FER1L5: variants seen among roughly 807,000 people sequenced by gnomAD.
FER1L5 encodes the protein fer-1-like protein 5.
A neutral mutation model predicts 279.9 loss-of-function variants in FER1L5; 187 were observed. That is an observed-to-expected ratio of 0.67 (90% CI 0.59 to 0.75). The LOEUF (loss-of-function observed/expected upper bound fraction) is 0.75, where lower values mean the gene tolerates loss of function less well. Among genes scored for constraint, FER1L5 ranks in the 30% least tolerant of loss-of-function variants. The pLI is 0.00. For synonymous variants in FER1L5, 921 were observed against 989.7 expected (o/e 0.93, Z 1.30); for missense variants, 2,091 against 2,594.4 (o/e 0.81, Z 4.21).
At chr2:96,659,300 T>C (rs1174496676) in intron 9 of FER1L5, among the ~76,000 whole-genome samples, 2 of 30,200 alleles carry the variant, frequency 6.6e-5, no homozygotes, top group East Asian at 2.0e-3. Context: ...TTTCCTTCCT[T>C]CCTTCCTTCC....
Position 96,694,452 on chromosome 2 carries a change from G to A in FER1L5, c.3729G>A (p.Arg1243=). 1 of 1,546,292 alleles carries A rather than the reference G, an allele frequency of 6.5e-7. No homozygotes were observed. The highest frequency in any genetic ancestry group is 8.7e-7 in the Non-Finnish European group (1 of 1,143,780). Residue 1243 remains arginine, a synonymous_variant, in exon 34 of 53, where the codon AGG becomes AGA. Coordinates refer to ENST00000624922, the MANE Select transcript of FER1L5 (RefSeq NM_001293083.2). The surrounding 1 kb of genome is among the most constrained non-coding windows in gnomAD (Gnocchi z 4.6). ...AGAGCATCCAGCCCACGATAAAGAG[G>A]ATGGCCATTGAGGTGCTGGCGATGT... ...LPKSIQPTIK[R]MAIEILAWGL...
chr2:96,695,059 A>C lies in FER1L5; in HGVS notation c.3742-450A>C, dbSNP rs551056342. The C allele has an allele frequency of 2.5e-3, 390 of 158,488 alleles. 2 individuals carry two copies. Among genetic ancestry groups the C allele is most frequent in the African/African-American group, 9.0e-3 (377 of 41,822 alleles). 9.8% of individuals were successfully genotyped at this position (158,488 alleles called of 1,614,324 possible). On this transcript the variant is annotated intron_variant, in intron 34 of 52. Transcript: ENST00000624922. Reference sequence around the variant, plus strand: ...TGCAGCTATTTCCTGGCAGGATGCCAGGTCACTGAATGGCCATGGGGTCCT... The same window carrying C: ...TGCAGCTATTTCCTGGCAGGATGCCCGGTCACTGAATGGCCATGGGGTCCT...
In FER1L5 at chr2:96,695,799, TGGGCCTTCGGCCAGCAGACCG is replaced by T. The variant is rs1355345415; in HGVS notation, c.3953_3973del (p.Trp1318_Val1325delinsLeu). The T allele has an allele frequency of 1.2e-6, 2 of 1,612,894 alleles. No individual in the cohort carries two copies. The highest frequency in any genetic ancestry group is 1.7e-6 in the Non-Finnish European group (2 of 1,179,508). ...CCTCGTGGTGAAGGTGGTAGACAACTGGGCCTTCGGCCAGCAGACCGTGACGGGCCAGGCCAACATCGACTT... is the reference window on the plus strand; with the variant it reads ...CCTCGTGGTGAAGGTGGTAGACAACTTGACGGGCCAGGCCAACATCGACTT... On this transcript the variant is annotated inframe_deletion, in exon 36 of 53. Coordinates refer to ENST00000624922, the MANE Select transcript of FER1L5 (RefSeq NM_001293083.2).
In FER1L5 at chr2:96,661,908, G is replaced by A; in HGVS notation, c.1018+117G>A. 3 of 1,408,374 alleles carry A rather than the reference G, an allele frequency of 2.1e-6. 1 individual carries two copies. Among genetic ancestry groups the A allele is most frequent in the South Asian group, 2.8e-5 (2 of 72,244 alleles). 87.2% of individuals were successfully genotyped at this position (1,408,374 alleles called of 1,614,324 possible). ...CACTAAACTACTGTTTGGGGTAGGG[G>A]GGACAGGGTGAGACTGGAATTGCTC... On this transcript the variant is annotated intron_variant, in intron 12 of 52. Transcript: ENST00000624922.
intron 9 of FER1L5, among the ~76,000 whole-genome samples, chr2:96,659,444 T>TC (rs1491573152): frequency 3.3e-5 from 1 of 30,500 alleles, no homozygotes; most frequent in Admixed American, 5.3e-4. Flanking sequence ...TTTCTTTCTT[T>TC]CTTTCTTTCT....
chr2:96,646,338 C>T (rs930377974), intron 1 of FER1L5, 63 bp from the exon 2 acceptor site: 4 of 1,527,446 alleles, frequency 2.6e-6, no homozygotes, highest in South Asian at 1.2e-5. Flanking sequence ...CTCTTTACCC[C>T]ACTCCAACCC....
In FER1L5 at chr2:96,642,900, T is replaced by C. The variant is rs1420044384; in HGVS notation, c.64T>C (p.Cys22Arg). Reference sequence around the variant, plus strand: ...ACCACTAGCCCCACTACCCAGGCCCTGCATGTCCATCGACTTCAGAGGTGA... The same window carrying C: ...ACCACTAGCCCCACTACCCAGGCCCCGCATGTCCATCGACTTCAGAGGTGA... ...DPPLAPLPRP[C>R]MSIDFRDIKK... Residue 22 changes from cysteine (C) to arginine (R), a missense_variant, in exon 1 of 53, where the codon TGC becomes CGC. Cys to Arg is a radical substitution (Grantham distance 180, BLOSUM62 -3). Coordinates refer to ENST00000624922, the MANE Select transcript of FER1L5 (RefSeq NM_001293083.2). 6 of 1,550,964 alleles carry C rather than the reference T, an allele frequency of 3.9e-6. No individual in the cohort carries two copies. The highest frequency in any genetic ancestry group is 5.2e-6 in the Non-Finnish European group (6 of 1,146,650).
intron 4 of FER1L5, among the ~76,000 whole-genome samples, 174 bp from the exon 5 acceptor site, chr2:96,649,449 A>G (rs982420532): frequency 2.6e-5 from 4 of 152,080 alleles, no homozygotes; most frequent in Admixed American, 1.3e-4. Context: ...ACCCATTTAT[A>G]ACCTCCCTCA....
At position 96,668,962 on chromosome 2, in the gene FER1L5, A is replaced by G. The variant is rs1433857102; in HGVS notation, c.1261A>G (p.Ile421Val). 1 of 1,551,356 alleles carries G rather than the reference A, an allele frequency of 6.4e-7. No individual in the cohort carries two copies. Among genetic ancestry groups the G allele is most frequent in the Admixed American group, 2.0e-5 (1 of 50,964 alleles). ...CCAGATCTCGTCCACCGGAGAAGAG[A>G]TAGAAGGCAAGCAAAGCCTCGAGCC... is the stretch of plus-strand genomic sequence containing the variant. ...LNQISSTGEE[I>V]EGVYSGFLPC... is the part of the protein sequence containing the mutation. The change falls in exon 16 of 53, where the codon ATA becomes GTA. Residue 421 changes from isoleucine (I) to valine (V), a missense_variant. Transcript: ENST00000624922.
rs373508719 is a variant in FER1L5, at chr2:96,702,335, C to T, written c.5189C>T (p.Thr1730Ile). Reference protein sequence around the residue: ...RYELRCIIWKTANVDLVDDNL... With the variant: ...RYELRCIIWKIANVDLVDDNL... The stretch of plus-strand genomic sequence containing the variant: ...GAGCTGCGATGCATCATCTGGAAGA[C>T]TGCCAATGTGGACCTGGTGGATGAC... The change falls in exon 47 of 53, where the codon ACT becomes ATT. Residue 1730 changes from threonine (T) to isoleucine (I), a missense_variant. Thr to Ile is a moderately conservative substitution (Grantham distance 89). Transcript: ENST00000624922. The surrounding 1 kb of genome is among the most constrained non-coding windows in gnomAD (Gnocchi z 4.0). 39 of 1,612,898 alleles carry T rather than the reference C, an allele frequency of 2.4e-5. No individual in the cohort carries two copies. The African/African-American group carries it at 4.7e-4, about 19-fold the overall frequency.
chr2:96,659,154 C>T (rs1199354340), intron 9 of FER1L5, among the ~76,000 whole-genome samples: 9 of 151,162 alleles, frequency 6.0e-5, no homozygotes, highest in African/African-American at 1.9e-4. Flanking sequence ...AGGATGGTCT[C>T]GATCTCCTGA....
Position 96,702,172 on chromosome 2 carries a change from T to C in FER1L5, c.5159+129T>C, listed in dbSNP as rs1558934922. On this transcript the variant is annotated intron_variant, in intron 46 of 52. Coordinates refer to ENST00000624922, the MANE Select transcript of FER1L5 (RefSeq NM_001293083.2). The surrounding 1 kb of genome is among the most constrained non-coding windows in gnomAD (Gnocchi z 4.0). The stretch of plus-strand genomic sequence containing the variant: ...CTATTGGGAAGAGAGGAAGCTCTAC[T>C]GGGAGCTTTCTTCCCCTGAATTCCC... 2 of 1,561,368 alleles carry C rather than the reference T, an allele frequency of 1.3e-6. No homozygotes were observed. Among genetic ancestry groups the C allele is most frequent in the Non-Finnish European group, 1.7e-6 (2 of 1,149,950 alleles).
intron 19 of FER1L5, among the ~76,000 whole-genome samples, chr2:96,677,636 C>T (rs538385417): frequency 2.1e-4 from 32 of 152,158 alleles, no homozygotes; most frequent in Non-Finnish European, 4.1e-4. Flanking sequence ...GAGGCTGAGG[C>T]GGGTGGATCA....
At chr2:96,673,530 T>G (rs1356818597) in intron 19 of FER1L5, among the ~76,000 whole-genome samples, 1 of 152,074 alleles carries the variant, frequency 6.6e-6, no homozygotes, top group East Asian at 1.9e-4. Context: ...TCCCCTACTC[T>G]GAACCACCTC....
intron 24 of FER1L5, 65 bp downstream of exon 24, chr2:96,688,012 TA>T: frequency 6.5e-7 from 1 of 1,536,610 alleles, no homozygotes; most frequent in Non-Finnish European, 8.8e-7. Context: ...GGTGGCCTCG[TA>T]GGGAAGAGAT....
rs1372697518 is a variant in FER1L5 at position 96,700,503 on chromosome 2, T to C, written c.5070+32T>C. On this transcript the variant is annotated intron_variant, in intron 45 of 52. Transcript: ENST00000624922. ...GACTGGAGGGGCCACTCCTGGCTCCTACAGGAGGAGCTAGATCAGGAGACA... is the reference window on the plus strand; with the variant it reads ...GACTGGAGGGGCCACTCCTGGCTCCCACAGGAGGAGCTAGATCAGGAGACA... The C allele has an allele frequency of 2.5e-6, 4 of 1,610,722 alleles. No homozygotes were observed. In the South Asian group the frequency reaches 4.4e-5, roughly 18 times the overall value.
intron 17 of FER1L5, among the ~76,000 whole-genome samples, chr2:96,669,700 C>T (rs569003793): frequency 2.6e-5 from 4 of 152,264 alleles, no homozygotes; most frequent in African/African-American, 9.6e-5. Flanking sequence ...TCAGACTTCC[C>T]GGCTGGGAAC....
chr2:96,678,011 C>T (rs2076573452), intron 19 of FER1L5, among the ~76,000 whole-genome samples: 1 of 152,074 alleles, frequency 6.6e-6, no homozygotes, highest in Non-Finnish European at 1.5e-5. Flanking sequence ...TTCAGTTTCT[C>T]ATTTATCATC....
At chr2:96,678,181 G>C (rs1225553527) in intron 19 of FER1L5, among the ~76,000 whole-genome samples, 1 of 151,692 alleles carries the variant, frequency 6.6e-6, no homozygotes, top group Non-Finnish European at 1.5e-5. Context: ...CTGGAGTGCA[G>C]TGGGGCAATC....
Sources: allele counts gnomAD v4.1 joint callset (sites outside exome capture counted in the v4.1 genomes callset), GRCh38; gene constraint gnomAD v4.1.1; non-coding constraint Gnocchi (gnomAD v3.1); transcripts MANE v1.5; gene names NCBI Gene and HGNC (gene_info 2026-07-23, HGNC 2026-07-21).